GPHN: variants seen among roughly 807,000 people sequenced by gnomAD.
GPHN encodes the protein gephyrin.
Under a neutral mutation model 95.5 loss-of-function variants are expected in GPHN, and 17 were observed. That is an observed-to-expected ratio of 0.18 (90% CI 0.12 to 0.27). The LOEUF (loss-of-function observed/expected upper bound fraction) is 0.27, where lower values mean the gene tolerates loss of function less well. Among genes scored for constraint, GPHN ranks in the 10% least tolerant of loss-of-function variants. The pLI, the probability that GPHN is intolerant of heterozygous loss-of-function variation, is 1.00. For missense variants in GPHN, 660 were observed against 978.1 expected (o/e 0.67, Z 4.34); for synonymous variants, 320 against 322.5 (o/e 0.99, Z 0.08).
chr14:67,681,251 A>G, the GPHN span, among the ~76,000 whole-genome samples: 1 of 152,240 alleles, frequency 6.6e-6, no homozygotes, highest in Non-Finnish European at 1.5e-5. Flanking sequence ...CTCACCAGAG[A>G]CCAACCAGGC....
At chr14:67,184,655 G>A (rs1009910623), downstream of GPHN, among the ~76,000 whole-genome samples, 1 of 152,174 alleles carries the variant, frequency 6.6e-6, no homozygotes, top group Non-Finnish European at 1.5e-5. Flanking sequence ...GAGGAGTTGA[G>A]TTTGGGCATG....
the GPHN span, among the ~76,000 whole-genome samples, chr14:67,548,498 G>A: frequency 8.9e-4 from 135 of 152,288 alleles, 1 homozygote; most frequent in Non-Finnish European, 1.3e-3. Context: ...GGGAGTTTGA[G>A]ACCAGCCTGA....
chr14:66,856,764 T>C (rs963983246), intron 4 of GPHN, among the ~76,000 whole-genome samples: 2 of 152,082 alleles, frequency 1.3e-5, no homozygotes, highest in African/African-American at 4.8e-5. Flanking sequence ...AATGTACACC[T>C]CTTCCTAAGC....
At chr14:67,032,651 C>G (rs1278017748) in intron 10 of GPHN, among the ~76,000 whole-genome samples, 1 of 152,168 alleles carries the variant, frequency 6.6e-6, no homozygotes, top group South Asian at 2.1e-4. Flanking sequence ...AAGCTCCTGA[C>G]AGAGAAACCT....
At chr14:66,764,554 G>C (rs1308686540) in intron 2 of GPHN, among the ~76,000 whole-genome samples, 2 of 151,624 alleles carry the variant, frequency 1.3e-5, no homozygotes, top group African/African-American at 4.9e-5. Flanking sequence ...TTCTGATCTA[G>C]GTAAACTGAC....
At chr14:67,395,637 CG>C in the GPHN span, 2 of 1,547,182 alleles carry the variant, frequency 1.3e-6, no homozygotes, top group Non-Finnish European at 1.8e-6. Context: ...AAGAGGACGC[CG>C]GGCAGCAAAA....
At chr14:67,445,997 G>T in the GPHN span, 3 of 507,156 alleles carry the variant, frequency 5.9e-6, no homozygotes, top group African/African-American at 5.8e-5. Context: ...AAAAAATAGG[G>T]CTTCCCAGGA....
intron 4 of GPHN, among the ~76,000 whole-genome samples, chr14:66,878,364 A>G (rs1460806697): frequency 6.6e-6 from 1 of 152,212 alleles, no homozygotes; most frequent in East Asian, 1.9e-4. Flanking sequence ...AAATTGACAA[A>G]CGGGATCTAA....
the GPHN span, among the ~76,000 whole-genome samples, chr14:67,592,958 TG>T: frequency 3.3e-5 from 5 of 151,990 alleles, no homozygotes; most frequent in African/African-American, 4.8e-5. Flanking sequence ...GCTAATTTTT[TG>T]TATTTTTAGT....
In GPHN at chr14:67,020,930, CAT is replaced by C. The variant is rs2073592003; in HGVS notation, c.964-2701_964-2700del. Among the ~76,000 whole-genome samples, 5 of 151,882 alleles carry C rather than the reference CAT, an allele frequency of 3.3e-5. No individual in the cohort carries two copies. In the South Asian group the frequency reaches 1.0e-3, roughly 32 times the overall value. ...TTCCCATAGAGTAAAGCCAGGGTAA[CAT>C]AAAGAAAAAAACGAGAAGCCATAAA... On this transcript the variant is annotated intron_variant, in intron 9 of 22. Transcript: ENST00000478722.
At chr14:66,879,454 A>G (rs1336710423) in intron 4 of GPHN, among the ~76,000 whole-genome samples, 4 of 151,998 alleles carry the variant, frequency 2.6e-5, no homozygotes, top group Non-Finnish European at 5.9e-5. Flanking sequence ...TAGCCAGTAC[A>G]TGGGGAAACC....
At chr14:67,488,572 GA>G in the GPHN span, 1 of 152,428 alleles carries the variant, frequency 6.6e-6, no homozygotes, top group Non-Finnish European at 1.5e-5. Context: ...TCACCTTGAG[GA>G]AAAGGTTTTA....
At chr14:67,407,799 T>C in the GPHN span, among the ~76,000 whole-genome samples, 13 of 152,120 alleles carry the variant, frequency 8.5e-5, no homozygotes, top group South Asian at 2.1e-4. Flanking sequence ...CCCAAGGCTC[T>C]ATAACCCTGA....
chr14:66,702,034 C>T (rs1266358520), intron 2 of GPHN, among the ~76,000 whole-genome samples: 1 of 152,194 alleles, frequency 6.6e-6, no homozygotes, highest in East Asian at 1.9e-4. Flanking sequence ...AGACTGCGGC[C>T]ACAGTGCCTC....
At chr14:67,497,568 C>G in the GPHN span, among the ~76,000 whole-genome samples, 2 of 152,180 alleles carry the variant, frequency 1.3e-5, no homozygotes, top group Non-Finnish European at 2.9e-5. Context: ...CTGGACATCA[C>G]AGAGGTAAAA....
chr14:67,552,766 CA>C, the GPHN span, among the ~76,000 whole-genome samples: 7 of 141,488 alleles, frequency 4.9e-5, no homozygotes, highest in Non-Finnish European at 4.6e-5. Context: ...GACTCTGTCT[CA>C]AAAAAAAAAA....
chr14:66,779,454 A>G (rs2059525443), intron 3 of GPHN, among the ~76,000 whole-genome samples: 1 of 152,182 alleles, frequency 6.6e-6, no homozygotes, highest in Non-Finnish European at 1.5e-5. Context: ...AGAAACTTTA[A>G]GCAATTAATA....
chr14:66,916,215 A>G (rs2065890686), intron 6 of GPHN, 146 bp downstream of exon 6: 2 of 689,544 alleles, frequency 2.9e-6, no homozygotes, highest in Non-Finnish European at 5.3e-6. Context: ...TCTTGGGTTC[A>G]GTAATTCAAT....
At chr14:66,788,512 A>G (rs2059862636) in intron 3 of GPHN, among the ~76,000 whole-genome samples, 1 of 152,236 alleles carries the variant, frequency 6.6e-6, no homozygotes, top group Non-Finnish European at 1.5e-5. Context: ...CCAGTAACAT[A>G]TTTATACAAA....
Sources: gnomAD v4.1 joint callset for allele counts (sites outside exome capture counted in the v4.1 genomes callset) on GRCh38, gnomAD v4.1.1 for gene constraint, MANE v1.5 for transcripts, NCBI Gene and HGNC (gene_info 2026-07-23, HGNC 2026-07-21) for gene names.